ELP1: variants seen among roughly 807,000 people sequenced by gnomAD.
ELP1 encodes elongator complex protein 1.
ELP1 carries 131 observed loss-of-function variants against 183.2 expected under a neutral mutation model. That is an observed-to-expected ratio of 0.72 (90% CI 0.62 to 0.83). The LOEUF (loss-of-function observed/expected upper bound fraction) is 0.83, where lower values mean the gene tolerates loss of function less well. ELP1 is among the 40% of genes least tolerant of loss of function. The pLI is 0.00. For synonymous variants in ELP1, 555 were observed against 569.0 expected, an observed-to-expected ratio of 0.98 and a Z score of 0.35; for missense variants, 1,550 against 1,594.9, an observed-to-expected ratio of 0.97 and a Z score of 0.48.
chr9:108,916,988 A>C (rs1829459454), intron 9 of ELP1, among the ~76,000 whole-genome samples: 1 of 152,250 alleles, frequency 6.6e-6, no homozygotes. Context: ...TTTTGTCAAA[A>C]TAAACAATAA....
chr9:108,917,606 C>G lies in ELP1; in HGVS notation c.805G>C (p.Glu269Gln). 1 of 1,613,966 alleles carries G rather than the reference C, an allele frequency of 6.2e-7. No individual in the cohort carries two copies. The highest frequency in any genetic ancestry group is 1.7e-5 in the Admixed American group (1 of 60,010). Reference sequence around the variant, plus strand: ...TGTCCATGAAGGAGTCCATTTTTCTCAAAAAACACAATATCCTGCTGGTTG... The same window carrying G: ...TGTCCATGAAGGAGTCCATTTTTCTGAAAAAACACAATATCCTGCTGGTTG... ...KPNQQDIVFF[E>Q]KNGLLHGHFT... The change falls in exon 9 of 37, where the codon GAG becomes CAG. Residue 269 changes from glutamate to glutamine, a missense_variant. By Grantham distance (29) the Glu-to-Gln change is conservative (BLOSUM62 2). Transcript: ENST00000374647.
intron 5 of ELP1, among the ~76,000 whole-genome samples, chr9:108,924,053 G>A (rs1217709335): frequency 1.3e-5 from 2 of 152,160 alleles, no homozygotes; most frequent in African/African-American, 4.8e-5. Context: ...CTATCCTGGT[G>A]CAAACCCCCA....
chr9:108,909,772 C>A lies in ELP1; in HGVS notation c.1360+1238G>T, dbSNP rs1355717958. Among the ~76,000 whole-genome samples the A allele has an allele frequency of 2.6e-5, 4 of 152,244 alleles. No individual in the cohort carries two copies. In the East Asian group the frequency reaches 7.7e-4, roughly 29 times the overall value. On this transcript the variant is annotated intron_variant, in intron 12 of 36. Coordinates refer to ENST00000374647, the MANE Select transcript of ELP1 (RefSeq NM_003640.5). ...CTATGGCCAACCCCACATATTGATG[C>A]CGAACAATCTTTCAAAAGTGGAGCT...
rs1353763056 is a variant in ELP1, at chr9:108,881,721, C to T, written c.3330G>A (p.Lys1110=). Residue 1110 remains lysine (K), a synonymous_variant, in exon 31 of 37, where the codon AAG becomes AAA. Transcript: ENST00000374647. ...NRLDIIETNV[K]PSILEAQKNY... Reference sequence around the variant, plus strand: ...AACCCTCACCTTCTAAAATGGAAGGCTTTACGTTGGTTTCTATAATATCCA... The same window carrying T: ...AACCCTCACCTTCTAAAATGGAAGGTTTTACGTTGGTTTCTATAATATCCA... The T allele has an allele frequency of 3.2e-6, 5 of 1,580,910 alleles. No homozygotes were observed. The highest frequency in any genetic ancestry group is 1.7e-6 in the Non-Finnish European group (2 of 1,150,200).
intron 9 of ELP1, 111 bp from the exon 10 acceptor site, chr9:108,916,408 A>G: frequency 1.2e-6 from 1 of 860,434 alleles, no homozygotes; most frequent in Non-Finnish European, 2.0e-6. Context: ...ACCTGAGCTC[A>G]TCCCTAGCTG....
intron 26 of ELP1, 104 bp downstream of exon 26, chr9:108,893,839 G>T: frequency 8.3e-7 from 1 of 1,208,616 alleles, no homozygotes; most frequent in Admixed American, 1.8e-5. Flanking sequence ...TTCAGGAGTG[G>T]GAAGTGAAAT....
chr9:108,896,165 G>A (rs1031234568), intron 25 of ELP1, among the ~76,000 whole-genome samples: 1 of 152,122 alleles, frequency 6.6e-6, no homozygotes, highest in Admixed American at 6.5e-5. Context: ...GCTGAGGCAG[G>A]AGAATGGCGT....
At chr9:108,883,792 A>AT (rs1346543351) in intron 29 of ELP1, among the ~76,000 whole-genome samples, 1 of 152,176 alleles carries the variant, frequency 6.6e-6, no homozygotes, top group Admixed American at 6.5e-5. Context: ...TATAGCTAAT[A>AT]AGCCAACAGT....
At chr9:108,884,879 C>G (rs1431357934) in intron 29 of ELP1, among the ~76,000 whole-genome samples, 1 of 151,942 alleles carries the variant, frequency 6.6e-6, no homozygotes, top group Non-Finnish European at 1.5e-5. Context: ...CCAGGAGTTT[C>G]AGACCAGCGT....
chr9:108,896,995 G>C lies in ELP1; in HGVS notation c.2545C>G (p.Pro849Ala), dbSNP rs34550675. ...ILTSHVKKTT[P>A]ELEIVLQKVH... ...TTTTGCAGTACAATTTCCAGTTCTG[G>C]GGTTGTCTTCTTTACATGAGATGTA... Residue 849 changes from proline to alanine, a missense_variant, in exon 24 of 37, where the codon CCA (proline) becomes GCA (alanine). Coordinates refer to ENST00000374647, the MANE Select transcript of ELP1 (RefSeq NM_003640.5). 10 of 1,613,886 alleles carry C rather than the reference G, an allele frequency of 6.2e-6. No homozygotes were observed. The African/African-American group carries it at 1.3e-4, about 22-fold the overall frequency.
chr9:108,879,842 G>A (rs1009929008), intron 32 of ELP1, among the ~76,000 whole-genome samples: 1 of 152,202 alleles, frequency 6.6e-6, no homozygotes, highest in Admixed American at 6.5e-5. Context: ...GGAATGTCTG[G>A]CAGAGCTCTC....
chr9:108,929,722 A>G (rs374417125), intron 3 of ELP1, 47 bp downstream of exon 3: 2 of 1,597,618 alleles, frequency 1.3e-6, no homozygotes, highest in African/African-American at 2.7e-5. Flanking sequence ...CAAGTAACCT[A>G]TTTGAGGATG....
chr9:108,910,971 CTTGATTCAG>C, intron 12 of ELP1, 30 bp downstream of exon 12: 1 of 1,595,054 alleles, frequency 6.3e-7, no homozygotes, highest in Non-Finnish European at 8.6e-7. Flanking sequence ...GTAGAAGGGA[CTTGATTCAG>C]AACATCTTGG....
At position 108,881,781 on chromosome 9, in the gene ELP1, C is replaced by T. The variant is rs1420831704; in HGVS notation, c.3286-16G>A. On this transcript the variant is annotated splice_polypyrimidine_tract_variant and intron_variant, in intron 30 of 36. Transcript: ENST00000374647. ...ATTTGTATACCTAGAAGGAAAAACA[C>T]AATAATTTTAGGAAGGAAAACTTCT... 6.9e-7 allele frequency: 1 copy of T among 1,448,208 alleles called. No homozygotes were observed. The highest frequency in any genetic ancestry group is 1.4e-5 in the African/African-American group (1 of 71,670). 89.7% of individuals were successfully genotyped at this position (1,448,208 alleles called of 1,614,324 possible).
chr9:108,892,621 T>C (rs1316381668), intron 27 of ELP1, among the ~76,000 whole-genome samples: 1 of 152,096 alleles, frequency 6.6e-6, no homozygotes, highest in Non-Finnish European at 1.5e-5. Flanking sequence ...AGAAGCAAAG[T>C]GTGTGGTATA....
intron 28 of ELP1, 69 bp from the exon 29 acceptor site, chr9:108,889,462 T>C: frequency 1.5e-6 from 2 of 1,343,010 alleles, no homozygotes; most frequent in Admixed American, 1.7e-5. Context: ...GCTTCTTTAA[T>C]ATGTCTTTAT....
intron 5 of ELP1, among the ~76,000 whole-genome samples, chr9:108,923,983 T>C (rs1829744820): frequency 6.6e-6 from 1 of 152,234 alleles, no homozygotes; most frequent in Non-Finnish European, 1.5e-5. Context: ...GACCATTTCC[T>C]GTCTGCTCAC....
In ELP1 at chr9:108,878,725, C is replaced by T; in HGVS notation, c.3598G>A (p.Ala1200Thr). The T allele has an allele frequency of 1.2e-6, 2 of 1,614,194 alleles. No homozygotes were observed. Among genetic ancestry groups the T allele is most frequent in the Non-Finnish European group, 1.7e-6 (2 of 1,180,046 alleles). The change falls in exon 34 of 37, where the codon GCG (alanine) becomes ACG (threonine). Residue 1200 changes from alanine (A) to threonine (T), a missense_variant. By Grantham distance (58) the Ala-to-Thr change is moderately conservative (BLOSUM62 0). Transcript: ENST00000374647. ...TTGAGGCTGTGCTTCTTCCGCTCCG[C>T]TTTTCGGCGATTCTTGGATGATCTC... ...SARSSKNRRK[A>T]ERKKHSLKEG...
chr9:108,875,310 G>A (rs900579034), intron 35 of ELP1, among the ~76,000 whole-genome samples: 2 of 152,230 alleles, frequency 1.3e-5, no homozygotes, highest in African/African-American at 4.8e-5. Context: ...AATACGTAGA[G>A]TATCAATTAT....
Sources: allele counts gnomAD v4.1 joint callset (sites outside exome capture counted in the v4.1 genomes callset), GRCh38; gene constraint gnomAD v4.1.1; transcripts MANE v1.5; gene names NCBI Gene and HGNC (gene_info 2026-07-23, HGNC 2026-07-21).